CAMK1D: variants seen among roughly 807,000 people sequenced by gnomAD.
CAMK1D encodes the protein calcium/calmodulin-dependent protein kinase type 1D.
CAMK1D carries 9 observed loss-of-function variants against 47.7 expected under a neutral mutation model. The observed-to-expected ratio is 0.19, with a 90% confidence interval of 0.11 to 0.33. The LOEUF (loss-of-function observed/expected upper bound fraction) is 0.33, where lower values mean the gene tolerates loss of function less well. CAMK1D is among the 10% of genes least tolerant of loss of function. The pLI is 1.00. For synonymous variants in CAMK1D, 184 were observed against 184.9 expected (o/e 0.99, Z 0.04); for missense variants, 291 against 488.7 (o/e 0.60, Z 3.81).
intron 1 of CAMK1D, among the ~76,000 whole-genome samples, chr10:12,404,425 A>G (rs1381976554): frequency 6.6e-6 from 1 of 152,236 alleles, no homozygotes; most frequent in Non-Finnish European, 1.5e-5. Context: ...TAGTATCTTC[A>G]GAGAATATAC....
At chr10:12,674,145 G>T (rs2132581394) in intron 3 of CAMK1D, among the ~76,000 whole-genome samples, 1 of 152,216 alleles carries the variant, frequency 6.6e-6, no homozygotes, top group African/African-American at 2.4e-5. Context: ...GGGTCTTGCT[G>T]TGTTGTCCAG....
intron 2 of CAMK1D, among the ~76,000 whole-genome samples, chr10:12,599,525 A>G (rs1838241226): frequency 1.3e-5 from 2 of 152,198 alleles, no homozygotes; most frequent in South Asian, 4.1e-4. Context: ...AAGTAAGAAG[A>G]AAAGAGCCAG....
chr10:12,743,838 C>T (rs1299844766), intron 3 of CAMK1D, among the ~76,000 whole-genome samples: 3 of 152,168 alleles, frequency 2.0e-5, no homozygotes, highest in Admixed American at 6.5e-5. Context: ...GACTGGTCAA[C>T]ATGGTGAAAC....
intron 1 of CAMK1D, among the ~76,000 whole-genome samples, chr10:12,424,439 A>C (rs1840158257): frequency 6.6e-6 from 1 of 151,822 alleles, no homozygotes; most frequent in Admixed American, 6.6e-5. Flanking sequence ...TTTCAATTTA[A>C]ATCTCTTGAC....
intron 2 of CAMK1D, among the ~76,000 whole-genome samples, chr10:12,628,377 G>C (rs1305793983): frequency 6.6e-6 from 1 of 152,150 alleles, no homozygotes; most frequent in African/African-American, 2.4e-5. Context: ...GTATGTACTA[G>C]TGTGGTCATG....
rs2131142155 is a variant in CAMK1D, at chr10:12,830,064, G to A, written c.*1177G>A. The A allele has an allele frequency of 6.6e-6, 1 of 152,110 alleles. No individual in the cohort carries two copies. Among genetic ancestry groups the A allele is most frequent in the South Asian group, 2.1e-4 (1 of 4,810 alleles). 9.4% of individuals were successfully genotyped at this position (152,110 alleles called of 1,614,324 possible). A position where few individuals can be genotyped will look rare whatever the true frequency, so the allele number is the denominator to read the frequency against. The stretch of plus-strand genomic sequence containing the variant: ...AGATGCCCACACTGCAGAGATGCAG[G>A]ACCCTCCCTTGCAAAAGGAACCAGC... On this transcript the variant is annotated 3_prime_UTR_variant, in exon 11 of 11. Transcript: ENST00000619168.
chr10:12,393,701 C>T lies in CAMK1D; in HGVS notation c.92+43791C>T, dbSNP rs147056479. 2.4e-3 allele frequency among the ~76,000 whole-genome samples: 364 copies of T among 152,268 alleles called. 2 individuals carry two copies. The highest frequency in any genetic ancestry group is 7.8e-3 in the African/African-American group (323 of 41,560). ...CACCTGGGGGAAGACATGATGGACG[C>T]GTGAGCATGTGTCCAAACTTGAGGC... On this transcript the variant is annotated intron_variant, in intron 1 of 10. Coordinates refer to ENST00000619168, the MANE Select transcript of CAMK1D (RefSeq NM_153498.4).
intron 1 of CAMK1D, among the ~76,000 whole-genome samples, chr10:12,445,285 G>A (rs1243842825): frequency 6.6e-6 from 1 of 152,226 alleles, no homozygotes; most frequent in Admixed American, 6.5e-5. Flanking sequence ...CAAGAGGAAG[G>A]TCCTCCATTC....
chr10:12,781,629 T>A (rs1588919737), intron 5 of CAMK1D, among the ~76,000 whole-genome samples: 1 of 149,280 alleles, frequency 6.7e-6, no homozygotes, highest in African/African-American at 2.5e-5. Context: ...CAGATCAGGG[T>A]AAGCTGCTCT....
intron 4 of CAMK1D, among the ~76,000 whole-genome samples, chr10:12,764,039 C>T (rs918765649): frequency 1.3e-5 from 2 of 152,154 alleles, no homozygotes; most frequent in Non-Finnish European, 2.9e-5. Context: ...CGTCTTCCCT[C>T]CTCCCCCAGG....
At chr10:12,394,278 C>T (rs967553854) in intron 1 of CAMK1D, among the ~76,000 whole-genome samples, 15 of 152,146 alleles carry the variant, frequency 9.9e-5, no homozygotes, top group African/African-American at 3.4e-4. Flanking sequence ...CCCCACCTCC[C>T]TCATATCCAG....
intron 2 of CAMK1D, among the ~76,000 whole-genome samples, chr10:12,611,076 T>C (rs77704610): frequency 0.015 from 2,359 of 152,258 alleles, 51 homozygotes; most frequent in African/African-American, 0.054. Context: ...CACAGAGATA[T>C]TTAGTGCTTT....
chr10:12,462,907 G>A (rs1833478999), intron 1 of CAMK1D, among the ~76,000 whole-genome samples: 1 of 152,208 alleles, frequency 6.6e-6, no homozygotes, highest in Non-Finnish European at 1.5e-5. Context: ...CCTCTGCAGT[G>A]AAGTGGTGTT....
chr10:12,493,048 C>G (rs748968797), intron 1 of CAMK1D, among the ~76,000 whole-genome samples: 65 of 152,306 alleles, frequency 4.3e-4, no homozygotes, highest in Non-Finnish European at 8.1e-4. Context: ...CCCTTGCACA[C>G]TTGCTTTCTG....
chr10:12,409,079 A>G (rs1373608345), intron 1 of CAMK1D, among the ~76,000 whole-genome samples: 1 of 150,238 alleles, frequency 6.7e-6, no homozygotes, highest in African/African-American at 2.5e-5. Context: ...CTGGTTTTGA[A>G]CTCCTGACCT....
intron 2 of CAMK1D, among the ~76,000 whole-genome samples, chr10:12,604,232 C>T (rs1264632116): frequency 2.0e-5 from 3 of 152,144 alleles, no homozygotes; most frequent in African/African-American, 4.8e-5. Context: ...ACAGAATCAT[C>T]GTTCATTGTG....
rs138964401 is a variant in CAMK1D at position 12,458,032 on chromosome 10, G to C, written c.93-95193G>C. Among the ~76,000 whole-genome samples the C allele has an allele frequency of 5.4e-3, 825 of 152,316 alleles. 5 individuals carry two copies. The highest frequency in any genetic ancestry group is 0.019 in the African/African-American group (792 of 41,566). On this transcript the variant is annotated intron_variant, in intron 1 of 10. Transcript: ENST00000619168. ...GCAACCAGCAAAAGCAAATCAGCCA[G>C]GGAATGCCTTTGACTTTGAATGAGA... is the stretch of plus-strand genomic sequence containing the variant.
intron 1 of CAMK1D, among the ~76,000 whole-genome samples, chr10:12,482,884 A>G (rs1245208108): frequency 6.6e-6 from 1 of 152,224 alleles, no homozygotes; most frequent in Non-Finnish European, 1.5e-5. Context: ...ACCTCCATAA[A>G]TAACATTGCC....
intron 1 of CAMK1D, among the ~76,000 whole-genome samples, chr10:12,377,538 A>G (rs1838219943): frequency 6.6e-6 from 1 of 152,190 alleles, no homozygotes; most frequent in African/African-American, 2.4e-5. Flanking sequence ...CACTAAAATA[A>G]TGATTTTTCT....
Sources: allele counts gnomAD v4.1 joint callset (sites outside exome capture counted in the v4.1 genomes callset), GRCh38; gene constraint gnomAD v4.1.1; transcripts MANE v1.5; gene names NCBI Gene and HGNC (gene_info 2026-07-23, HGNC 2026-07-21).